The following AKR1C3 variants were observed in gnomAD, a reference collection of about 807,000 sequenced individuals.
AKR1C3 encodes 3-alpha hydroxysteroid dehydrogenase, type II.
AKR1C3 carries 48 observed loss-of-function variants against 43.6 expected under a neutral mutation model. That is an observed-to-expected ratio of 1.10 (90% CI 0.87 to 1.40). The LOEUF (loss-of-function observed/expected upper bound fraction) is 1.40, where lower values mean the gene tolerates loss of function less well. Among genes scored for constraint, AKR1C3 ranks in the 40% most tolerant of loss-of-function variants. The pLI, the probability that AKR1C3 is intolerant of heterozygous loss-of-function variation, is 0.00. For synonymous variants in AKR1C3, 162 were observed against 139.6 expected, an observed-to-expected ratio of 1.16 and a Z score of -1.13; for missense variants, 482 against 391.2, an observed-to-expected ratio of 1.23 and a Z score of -1.96.
At chr10:5,066,820 T>C (rs2398192) in intron 1 of AKR1C3, among the ~76,000 whole-genome samples, 48,813 of 152,186 alleles carry the variant, frequency 0.32, 8,007 homozygotes, top group East Asian at 0.41. Flanking sequence ...AACTCTATTA[T>C]AACTTTCACA....
intron 5 of AKR1C3, among the ~76,000 whole-genome samples, chr10:5,100,789 T>TTA (rs1827987925): frequency 6.6e-6 from 1 of 152,192 alleles, no homozygotes; most frequent in Admixed American, 6.5e-5. Flanking sequence ...TATGATAATT[T>TTA]TCAAACTTTC....
intron 1 of AKR1C3, among the ~76,000 whole-genome samples, chr10:5,060,390 G>A (rs782002479): frequency 1.1e-4 from 16 of 152,184 alleles, no homozygotes; most frequent in African/African-American, 3.4e-4. Context: ...GTGCTGATTG[G>A]TGCATTTACA....
intron 1 of AKR1C3, among the ~76,000 whole-genome samples, chr10:5,071,511 G>C (rs369061345): frequency 6.6e-6 from 1 of 152,100 alleles, no homozygotes; most frequent in Non-Finnish European, 1.5e-5. Flanking sequence ...ACAGTGGCAC[G>C]GATTCTCTTC....
intron 1 of AKR1C3, among the ~76,000 whole-genome samples, chr10:5,055,018 G>A (rs905639188): frequency 2.0e-5 from 3 of 152,230 alleles, no homozygotes; most frequent in East Asian, 1.9e-4. Context: ...GCATGGGCAC[G>A]CAGGATTAGA....
At chr10:5,094,851 G>A (rs72774012) in intron 1 of AKR1C3, among the ~76,000 whole-genome samples, 9,458 of 152,156 alleles carry the variant, frequency 0.062, 347 homozygotes, top group Middle Eastern at 0.085. Context: ...TGCAATAGGA[G>A]TGATTTCTCT....
At chr10:5,079,407 T>C (rs1199679556) in intron 1 of AKR1C3, among the ~76,000 whole-genome samples, 3 of 152,206 alleles carry the variant, frequency 2.0e-5, no homozygotes, top group Admixed American at 6.5e-5. Context: ...TGAAAAGCTT[T>C]CTTCTCTGGC....
At chr10:5,066,616 T>C (rs1304005658) in intron 1 of AKR1C3, among the ~76,000 whole-genome samples, 1 of 152,106 alleles carries the variant, frequency 6.6e-6, no homozygotes, top group Non-Finnish European at 1.5e-5. Context: ...GAGTTTGGAG[T>C]ATGGTGCTCA....
At chr10:5,086,882 G>A (rs1838977517) in intron 1 of AKR1C3, among the ~76,000 whole-genome samples, 1 of 152,080 alleles carries the variant, frequency 6.6e-6, no homozygotes, top group African/African-American at 2.4e-5. Flanking sequence ...TGTTTTATCT[G>A]AGACTAGGAT....
At chr10:5,097,712 T>C in intron 3 of AKR1C3, 162 bp downstream of exon 3, 1 of 1,460,946 alleles carries the variant, frequency 6.8e-7, no homozygotes, top group African/African-American at 1.4e-5. Context: ...CGAGTAAATT[T>C]TGAATCCTAC....
chr10:5,050,332 T>A (rs1464686110), intron 1 of AKR1C3, among the ~76,000 whole-genome samples: 1 of 152,118 alleles, frequency 6.6e-6, no homozygotes, highest in Non-Finnish European at 1.5e-5. Flanking sequence ...ATTCTGAGAA[T>A]AATGAAATTT....
At chr10:5,067,920 T>C (rs1186850226) in intron 1 of AKR1C3, among the ~76,000 whole-genome samples, 1 of 152,218 alleles carries the variant, frequency 6.6e-6, no homozygotes, top group Non-Finnish European at 1.5e-5. Flanking sequence ...ATTAGACTTA[T>C]ATCCTCTTGA....
intron 7 of AKR1C3, among the ~76,000 whole-genome samples, chr10:5,103,427 C>T (rs1359675229): frequency 1.3e-5 from 2 of 151,864 alleles, no homozygotes; most frequent in African/African-American, 2.4e-5. Flanking sequence ...AACAAATCAC[C>T]CTCAACATAG....
chr10:5,073,493 C>T (rs1838651945), intron 1 of AKR1C3, among the ~76,000 whole-genome samples: 1 of 152,124 alleles, frequency 6.6e-6, no homozygotes, highest in Non-Finnish European at 1.5e-5. Context: ...TACACAGACT[C>T]CTCAGTGGGA....
At position 5,097,638 on chromosome 10, in the gene AKR1C3, G is replaced by C. The variant is rs781998157; in HGVS notation, c.369+88G>C. The C allele has an allele frequency of 2.3e-5, 37 of 1,601,470 alleles. 1 individual carries two copies. In the South Asian group the frequency reaches 3.9e-4, roughly 17 times the overall value. ...GATAGTTGAACAGAGCTTTTTATTA[G>C]GAGGATGTAGGGATTATCACACAGA... is the stretch of plus-strand genomic sequence containing the variant. On this transcript the variant is annotated intron_variant, in intron 3 of 8. Coordinates refer to ENST00000380554, the MANE Select transcript of AKR1C3 (RefSeq NM_003739.6).
chr10:5,082,353 T>G (rs1035900095), intron 1 of AKR1C3, among the ~76,000 whole-genome samples: 5 of 152,172 alleles, frequency 3.3e-5, no homozygotes, highest in Non-Finnish European at 7.4e-5. Context: ...TGGACATCCT[T>G]GTCTTGTTCC....
At chr10:5,095,323 G>C (rs1839181205) in intron 1 of AKR1C3, among the ~76,000 whole-genome samples, 1 of 151,986 alleles carries the variant, frequency 6.6e-6, no homozygotes, top group African/African-American at 2.4e-5. Flanking sequence ...AAGTTGTGAT[G>C]ATCTACAAGG....
rs372874267 is a variant in AKR1C3 at position 5,098,790 on chromosome 10, C to T, written c.370-12C>T. On this transcript the variant is annotated splice_polypyrimidine_tract_variant and intron_variant, in intron 3 of 8. Transcript: ENST00000380554. The stretch of plus-strand genomic sequence containing the variant: ...ATTTGTGACATCATTAAAATGACTG[C>T]TTCTATTTCAGCCAGGTGAGGAACT... The T allele has an allele frequency of 3.4e-5, 55 of 1,611,204 alleles. No individual in the cohort carries two copies. The highest frequency in any genetic ancestry group is 3.7e-5 in the Non-Finnish European group (44 of 1,178,018).
At chr10:5,063,765 C>CATAAAAAAAAAAAGA (rs1838430979) in intron 1 of AKR1C3, among the ~76,000 whole-genome samples, 1 of 46,426 alleles carries the variant, frequency 2.2e-5, no homozygotes, top group African/African-American at 8.3e-5. Flanking sequence ...TCTGTCTCAG[C>CATAAAAAAAAAAAGA]AAAAAAAAAA....
intron 1 of AKR1C3, chr10:5,077,548 C>G (rs1838740425): frequency 4.3e-6 from 2 of 460,178 alleles, no homozygotes; most frequent in Admixed American, 1.3e-4. Context: ...TATGGAAATG[C>G]AAGGTTTGTC....
Sources: gnomAD v4.1 joint callset for allele counts (sites outside exome capture counted in the v4.1 genomes callset) on GRCh38, gnomAD v4.1.1 for gene constraint, MANE v1.5 for transcripts, NCBI Gene and HGNC (gene_info 2026-07-23, HGNC 2026-07-21) for gene names.